DGKI: variants seen among roughly 807,000 people sequenced by gnomAD.
DGKI encodes DAG kinase iota.
In DGKI, 55 loss-of-function variants were observed where a neutral mutation model predicts 147.5. That is an observed-to-expected ratio of 0.37 (90% CI 0.30 to 0.47). The LOEUF is 0.47. Ranked by LOEUF, DGKI falls within the 20% of genes least tolerant of loss-of-function variation. DGKI has a pLI of 1.00. For missense variants in DGKI, 1,007 were observed against 1,323.8 expected, an observed-to-expected ratio of 0.76 and a Z score of 3.71; for synonymous variants, 469 against 477.1, an observed-to-expected ratio of 0.98 and a Z score of 0.22.
intron 1 of DGKI, among the ~76,000 whole-genome samples, chr7:137,720,396 C>T (rs952663508): frequency 2.2e-4 from 34 of 151,734 alleles, no homozygotes; most frequent in Non-Finnish European, 3.5e-4. Flanking sequence ...TGGCTGGGAC[C>T]ACAGGCGCCT....
chr7:137,426,425 G>A (rs1812809088), intron 28 of DGKI, among the ~76,000 whole-genome samples: 1 of 152,164 alleles, frequency 6.6e-6, no homozygotes, highest in Non-Finnish European at 1.5e-5. Context: ...GGAACAACCG[G>A]TACCAGCCAC....
chr7:137,467,386 G>A (rs770946149), intron 24 of DGKI, among the ~76,000 whole-genome samples: 20 of 152,146 alleles, frequency 1.3e-4, no homozygotes, highest in Non-Finnish European at 2.5e-4. Context: ...CCTGAAATTA[G>A]CAAATGATCT....
chr7:137,452,352 G>C (rs1814001820), intron 27 of DGKI, among the ~76,000 whole-genome samples: 1 of 152,166 alleles, frequency 6.6e-6, no homozygotes, highest in South Asian at 2.1e-4. Flanking sequence ...TCACGGGCCT[G>C]ACTGAAATAG....
chr7:137,665,380 T>G (rs781653857), intron 3 of DGKI, among the ~76,000 whole-genome samples: 3 of 152,200 alleles, frequency 2.0e-5, no homozygotes, highest in Non-Finnish European at 4.4e-5. Flanking sequence ...AGTAGAATCA[T>G]CAGCAGCTCA....
At chr7:137,506,358 T>G (rs377396189) in intron 21 of DGKI, among the ~76,000 whole-genome samples, 1 of 152,212 alleles carries the variant, frequency 6.6e-6, no homozygotes. Flanking sequence ...TTTGAAAGGC[T>G]ACATGATGTA....
chr7:137,784,357 A>G (rs1315746751), intron 1 of DGKI, among the ~76,000 whole-genome samples: 3 of 152,296 alleles, frequency 2.0e-5, no homozygotes, highest in Admixed American at 6.5e-5. Flanking sequence ...TTAAAGCAAC[A>G]GCAGCTAAAA....
intron 2 of DGKI, among the ~76,000 whole-genome samples, chr7:137,683,901 C>T (rs1028672583): frequency 1.3e-5 from 2 of 152,138 alleles, no homozygotes; most frequent in African/African-American, 4.8e-5. Flanking sequence ...TGTTTTCTTG[C>T]TCAAGTGCTA....
At chr7:137,554,467 T>C (rs1818153548) in intron 19 of DGKI, among the ~76,000 whole-genome samples, 2 of 152,194 alleles carry the variant, frequency 1.3e-5, no homozygotes, top group Non-Finnish European at 2.9e-5. Context: ...TTTCTGTGAC[T>C]TGAGAGGAAA....
chr7:137,555,154 T>A (rs1818181016), intron 19 of DGKI, among the ~76,000 whole-genome samples: 1 of 151,588 alleles, frequency 6.6e-6, no homozygotes, highest in Admixed American at 6.6e-5. Context: ...GACTTCGTGA[T>A]CCTCCCGCCT....
At chr7:137,637,994 G>A (rs1352195863) in intron 6 of DGKI, among the ~76,000 whole-genome samples, 2 of 152,112 alleles carry the variant, frequency 1.3e-5, no homozygotes, top group Non-Finnish European at 2.9e-5. Flanking sequence ...GGAAAGGGAG[G>A]TCAGCGCAAA....
At chr7:137,841,893 C>A (rs1798554446) in intron 1 of DGKI, among the ~76,000 whole-genome samples, 1 of 152,220 alleles carries the variant, frequency 6.6e-6, no homozygotes, top group Non-Finnish European at 1.5e-5. Flanking sequence ...CTCTCTTCAA[C>A]TTCCCTATCC....
chr7:137,462,861 A>G (rs1240133016), intron 27 of DGKI, among the ~76,000 whole-genome samples: 1 of 152,176 alleles, frequency 6.6e-6, no homozygotes, highest in Admixed American at 6.5e-5. Flanking sequence ...CCGAGCACAA[A>G]GGTATCGACA....
In DGKI at chr7:137,803,974, T is replaced by G. The variant is rs577744837; in HGVS notation, c.401+42488A>C. ...TATAAGCTAACAAGCATGCCCACTT[T>G]GCACAATTATCTTCTCTGAGGCTAG... is the stretch of plus-strand genomic sequence containing the variant. On this transcript the variant is annotated intron_variant, in intron 1 of 32. Transcript: ENST00000614521. Among the ~76,000 whole-genome samples, 3 of 152,366 alleles carry G rather than the reference T, an allele frequency of 2.0e-5. No individual in the cohort carries two copies. The East Asian group carries it at 5.8e-4, about 29-fold the overall frequency.
intron 1 of DGKI, among the ~76,000 whole-genome samples, chr7:137,717,473 T>G (rs980025544): frequency 6.6e-6 from 1 of 152,174 alleles, no homozygotes; most frequent in South Asian, 2.1e-4. Context: ...GTAAGTGATA[T>G]TAACATTTTA....
At chr7:137,695,388 A>G (rs1269167413) in intron 1 of DGKI, among the ~76,000 whole-genome samples, 4 of 152,254 alleles carry the variant, frequency 2.6e-5, no homozygotes, top group Non-Finnish European at 5.9e-5. Context: ...CAAATAAAAC[A>G]GACCCCAATC....
chr7:137,844,689 A>C (rs1458906844), intron 1 of DGKI, among the ~76,000 whole-genome samples: 1 of 152,236 alleles, frequency 6.6e-6, no homozygotes, highest in East Asian at 1.9e-4. Flanking sequence ...ACACACTTAC[A>C]CGTGCATGTG....
intron 30 of DGKI, among the ~76,000 whole-genome samples, chr7:137,399,028 A>C (rs1811654800): frequency 6.7e-6 from 1 of 148,970 alleles, no homozygotes. Context: ...CAAAAGCTAA[A>C]GTGGTAATTG....
Position 137,391,242 on chromosome 7 carries a change from T to C in DGKI, c.3152A>G (p.Glu1051Gly). Reference sequence around the variant, plus strand: ...GGGTCAAACAGCAGTTTCCAGGTCCTCATGGCCAATGACCTTATAGTTCTG... The same window carrying C: ...GGGTCAAACAGCAGTTTCCAGGTCCCCATGGCCAATGACCTTATAGTTCTG... ...SRQNYKVIGH[E>G]DLETAV The change falls in exon 33 of 33, where the codon GAG (glutamate) becomes GGG (glycine). Residue 1051 changes from glutamate to glycine, a missense_variant. Coordinates refer to ENST00000614521, the MANE Select transcript of DGKI (RefSeq NM_001321708.2). 6.2e-7 allele frequency: 1 copy of C among 1,614,000 alleles called. No homozygotes were observed. Among genetic ancestry groups the C allele is most frequent in the Non-Finnish European group, 8.5e-7 (1 of 1,179,948 alleles).
intron 27 of DGKI, among the ~76,000 whole-genome samples, chr7:137,461,086 A>G (rs1336520415): frequency 1.3e-5 from 2 of 152,216 alleles, no homozygotes; most frequent in Non-Finnish European, 2.9e-5. Flanking sequence ...CCTATATTGT[A>G]GGACTTTTCA....
Sources: allele counts gnomAD v4.1 joint callset (sites outside exome capture counted in the v4.1 genomes callset), GRCh38; gene constraint gnomAD v4.1.1; transcripts MANE v1.5; gene names NCBI Gene and HGNC (gene_info 2026-07-23, HGNC 2026-07-21).